The following ARB2A variants were observed in gnomAD, a reference collection of about 807,000 sequenced individuals.
ARB2A encodes the protein cotranscriptional regulator ARB2A.
chr5:93,961,122 G>A, the ARB2A span, among the ~76,000 whole-genome samples: 1 of 152,082 alleles, frequency 6.6e-6, no homozygotes, highest in Non-Finnish European at 1.5e-5. Context: ...AGGCCACAGG[G>A]GTTTCTAGTC....
At chr5:93,942,483 T>G in the ARB2A span, among the ~76,000 whole-genome samples, 2 of 152,182 alleles carry the variant, frequency 1.3e-5, no homozygotes, top group South Asian at 4.1e-4. Context: ...AAAAAAACTT[T>G]TTTTGAAATA....
the ARB2A span, among the ~76,000 whole-genome samples, chr5:94,088,392 A>G: frequency 1.3e-5 from 2 of 152,206 alleles, no homozygotes; most frequent in Non-Finnish European, 2.9e-5. Context: ...TTAAAATGCA[A>G]CTATTGGGCC....
chr5:94,090,650 T>C, the ARB2A span, among the ~76,000 whole-genome samples: 1 of 152,240 alleles, frequency 6.6e-6, no homozygotes, highest in African/African-American at 2.4e-5. Flanking sequence ...AGTATGATAT[T>C]GGCTGTGGGT....
the ARB2A span, among the ~76,000 whole-genome samples, chr5:94,107,904 T>A: frequency 6.6e-6 from 1 of 152,166 alleles, no homozygotes; most frequent in African/African-American, 2.4e-5. Flanking sequence ...CACTCCCTCA[T>A]TCTACCCTCC....
At chr5:93,721,748 G>A in the ARB2A span, among the ~76,000 whole-genome samples, 1 of 152,072 alleles carries the variant, frequency 6.6e-6, no homozygotes, top group Non-Finnish European at 1.5e-5. Flanking sequence ...GTCCAAAGAA[G>A]ATGGCCTGTT....
At chr5:93,650,392 A>G in the ARB2A span, among the ~76,000 whole-genome samples, 9 of 152,208 alleles carry the variant, frequency 5.9e-5, no homozygotes, top group Non-Finnish European at 1.0e-4. Flanking sequence ...GGATGGACTT[A>G]ATAACAGACT....
chr5:93,705,273 C>T, the ARB2A span, among the ~76,000 whole-genome samples: 14 of 152,078 alleles, frequency 9.2e-5, no homozygotes, highest in Non-Finnish European at 1.8e-4. Context: ...AATCTCAAGG[C>T]ATATATGTAA....
chr5:93,768,491 G>C, the ARB2A span, among the ~76,000 whole-genome samples: 48 of 148,898 alleles, frequency 3.2e-4, 2 homozygotes, highest in South Asian at 9.1e-3. Context: ...GTATATAAAA[G>C]TATACGCTAT....
chr5:93,697,674 TG>T, the ARB2A span, among the ~76,000 whole-genome samples: 1 of 152,186 alleles, frequency 6.6e-6, no homozygotes, highest in African/African-American at 2.4e-5. Context: ...TAAATCACAT[TG>T]TTTCTTACCG....
At chr5:93,851,606 C>T in the ARB2A span, among the ~76,000 whole-genome samples, 1 of 152,196 alleles carries the variant, frequency 6.6e-6, no homozygotes, top group East Asian at 1.9e-4. Flanking sequence ...CTCCCCGCTT[C>T]CGCCACCCCA....
chr5:93,772,286 A>C, the ARB2A span, among the ~76,000 whole-genome samples: 3 of 152,108 alleles, frequency 2.0e-5, no homozygotes, highest in East Asian at 5.8e-4. Flanking sequence ...AAGGGGAACA[A>C]CACACTCTGG....
chr5:94,057,906 A>C, the ARB2A span, among the ~76,000 whole-genome samples: 7 of 152,216 alleles, frequency 4.6e-5, no homozygotes, highest in East Asian at 1.3e-3. Flanking sequence ...GAATAATCCA[A>C]GGTGGCTGGA....
the ARB2A span, among the ~76,000 whole-genome samples, chr5:93,726,531 A>G: frequency 6.6e-6 from 1 of 152,100 alleles, no homozygotes; most frequent in African/African-American, 2.4e-5. Flanking sequence ...TGTGAGAAAG[A>G]AAGAATGAGG....
At chr5:93,862,373 A>G in the ARB2A span, 1 of 152,252 alleles carries the variant, frequency 6.6e-6, no homozygotes, top group African/African-American at 2.4e-5. Context: ...TTACTTCTGT[A>G]AACAGAAAAA....
At chr5:93,705,912 C>T in the ARB2A span, among the ~76,000 whole-genome samples, 7 of 152,108 alleles carry the variant, frequency 4.6e-5, no homozygotes, top group East Asian at 7.7e-4. Flanking sequence ...AAGTTCTTAA[C>T]GTATAATGCC....
the ARB2A span, among the ~76,000 whole-genome samples, chr5:93,789,908 G>C: frequency 6.6e-6 from 1 of 152,208 alleles, no homozygotes; most frequent in Non-Finnish European, 1.5e-5. Flanking sequence ...CACTTCAGTA[G>C]ATAAAATGTG....
chr5:93,764,226 CA>C, the ARB2A span, among the ~76,000 whole-genome samples: 1 of 151,948 alleles, frequency 6.6e-6, no homozygotes, highest in Non-Finnish European at 1.5e-5. Context: ...AATAGAGACA[CA>C]AAAAACCCTT....
At chr5:94,066,465 C>CAT in the ARB2A span, among the ~76,000 whole-genome samples, 1 of 140,364 alleles carries the variant, frequency 7.1e-6, no homozygotes, top group Non-Finnish European at 1.6e-5. Context: ...CACACACACA[C>CAT]ATAAAAACCC....
chr5:94,021,280 C>T, the ARB2A span, among the ~76,000 whole-genome samples: 2 of 152,166 alleles, frequency 1.3e-5, no homozygotes, highest in Non-Finnish European at 2.9e-5. Flanking sequence ...CAGATAGCCT[C>T]CCTTAACTTA....
Sources: allele counts gnomAD v4.1 joint callset (sites outside exome capture counted in the v4.1 genomes callset), GRCh38; gene constraint gnomAD v4.1.1; transcripts MANE v1.5; gene names NCBI Gene and HGNC (gene_info 2026-07-23, HGNC 2026-07-21).